The following MYH2 variants were observed in gnomAD, a reference collection of about 807,000 sequenced individuals.
The protein encoded by MYH2 is myosin-2.
In MYH2, 139 loss-of-function variants were observed where a neutral mutation model predicts 228.1. The ratio of observed to expected loss-of-function variants is 0.61; its 90% CI spans 0.53 to 0.70. The LOEUF (loss-of-function observed/expected upper bound fraction) is 0.70. Among genes scored for constraint, MYH2 ranks in the 30% least tolerant of loss-of-function variants. MYH2 has a pLI of 0.00. For missense variants in MYH2, 1,809 were observed against 2,357.5 expected (o/e 0.77, Z 4.82); for synonymous variants, 796 against 871.1 (o/e 0.91, Z 1.52).
Position 10,526,994 on chromosome 17 carries a change from G to C in MYH2, c.3934C>G (p.Gln1312Glu), listed in dbSNP as rs186654707. The C allele has an allele frequency of 2.5e-6, 4 of 1,614,172 alleles. No individual in the cohort carries two copies. Among genetic ancestry groups the C allele is most frequent in the African/African-American group, 1.3e-5 (1 of 75,046 alleles). ...ALVSQLSRGKQAFTQQIEELK... is the reference protein window; with the variant it reads ...ALVSQLSRGKEAFTQQIEELK... ...TCTTCAATCTGTTGAGTAAAGGCTT[G>C]TTTGCCTCTTGATAACTGAGACACC... Residue 1312 changes from glutamine (Q) to glutamate (E), a missense_variant, in exon 29 of 40, where the codon CAA becomes GAA. Physicochemically the swap from Gln to Glu is conservative, Grantham distance 29. Around this residue, in one of 9 missense-constraint regions of MYH2, gnomAD observed 636 missense variants for 729.9 expected, o/e 0.87. Coordinates refer to ENST00000245503, the MANE Select transcript of MYH2 (RefSeq NM_017534.6).
At chr17:10,522,531 T>G (rs2073296755) in intron 39 of MYH2, among the ~76,000 whole-genome samples, 1 of 152,058 alleles carries the variant, frequency 6.6e-6, no homozygotes, top group African/African-American at 2.4e-5. Context: ...TTTTTAACAG[T>G]ACTTCTTACT....
At position 10,531,917 on chromosome 17, in the gene MYH2, T is replaced by C. The variant is rs1361580844; in HGVS notation, c.2442-29A>G. On this transcript the variant is annotated intron_variant, in intron 21 of 39. Transcript: ENST00000245503. Reference sequence around the variant, plus strand: ...AAATTTAATTGATGCAAATTAGTATTGTGTGGTTGATGCAATGGGATGAAA... The same window carrying C: ...AAATTTAATTGATGCAAATTAGTATCGTGTGGTTGATGCAATGGGATGAAA... 2.5e-6 allele frequency: 4 copies of C among 1,613,420 alleles called. No homozygotes were observed. The South Asian group carries it at 3.3e-5, about 13-fold the overall frequency.
Position 10,524,461 on chromosome 17 carries a change from C to T in MYH2, c.5175+5G>A, listed in dbSNP as rs762715602. On this transcript the variant is annotated splice_donor_5th_base_variant and intron_variant, in intron 35 of 39. Transcript: ENST00000245503. The surrounding 1 kb of genome is among the most constrained non-coding windows in gnomAD (Gnocchi z 4.7). ...CTAAGGAGAGTTCTTTGTGCTGAAT[C>T]CCACCTGGGTGTGCAGTAGCTGAAC... 7 of 1,614,088 alleles carry T rather than the reference C, an allele frequency of 4.3e-6. No homozygotes were observed. Among genetic ancestry groups the T allele is most frequent in the South Asian group, 2.2e-5 (2 of 91,082 alleles).
chr17:10,531,913 G>A (rs1224682369), intron 21 of MYH2, 25 bp from the exon 22 acceptor site: 1 of 1,613,462 alleles, frequency 6.2e-7, no homozygotes, highest in East Asian at 2.2e-5. Flanking sequence ...ATGCAAATTA[G>A]TATTGTGTGG....
At position 10,524,530 on chromosome 17, in the gene MYH2, C is replaced by G. The variant is rs1567727282; in HGVS notation, c.5111G>C (p.Ser1704Thr). ...LRATLEQTER[S>T]RKIAEQELLD... The stretch of plus-strand genomic sequence containing the variant: ...GAGCTCCTGTTCTGCGATTTTTCTG[C>G]TCCTCTCTGTCTGTTCCAGAGTGGC... Residue 1704 changes from serine to threonine, a missense_variant, in exon 35 of 40, where the codon AGC (serine) becomes ACC (threonine). Coordinates refer to ENST00000245503, the MANE Select transcript of MYH2 (RefSeq NM_017534.6). This position sits in a 1 kb window ranked among gnomAD's most constrained non-coding sequence, Gnocchi z 4.7. 6.2e-7 allele frequency: 1 copy of G among 1,614,226 alleles called. No homozygotes were observed. Among genetic ancestry groups the G allele is most frequent in the Admixed American group, 1.7e-5 (1 of 60,024 alleles).
Position 10,527,063 on chromosome 17 carries a change from G to A in MYH2, c.3872-7C>T. ...AGCTGGCGTGAAAACTCACCTGATG[G>A]ACAAAAGAAATGGCACCATTTTTTA... On this transcript the variant is annotated splice_region_variant and splice_polypyrimidine_tract_variant and intron_variant, in intron 28 of 39. Transcript: ENST00000245503. The A allele has an allele frequency of 1.2e-6, 2 of 1,611,870 alleles. No individual in the cohort carries two copies. Among genetic ancestry groups the A allele is most frequent in the Non-Finnish European group, 1.7e-6 (2 of 1,177,990 alleles).
At chr17:10,539,703 T>A in intron 12 of MYH2, 141 bp from the exon 13 acceptor site, 1 of 1,184,512 alleles carries the variant, frequency 8.4e-7, no homozygotes, top group Non-Finnish European at 1.2e-6. Flanking sequence ...GTTCATTAAG[T>A]TCAAGTTTTT....
Position 10,539,538 on chromosome 17 carries a change from T to C in MYH2, c.1172A>G (p.Gln391Arg). 1 of 1,614,154 alleles carries C rather than the reference T, an allele frequency of 6.2e-7. No homozygotes were observed. Among genetic ancestry groups the C allele is most frequent in the Non-Finnish European group, 8.5e-7 (1 of 1,180,020 alleles). The change falls in exon 13 of 40, where the codon CAG (glutamine) becomes CGG (arginine). Residue 391 changes from glutamine to arginine, a missense_variant. By Grantham distance (43) the Gln-to-Arg change is conservative. Around this residue, in one of 9 missense-constraint regions of MYH2, gnomAD observed 373 missense variants for 620.4 expected, o/e 0.60. Coordinates refer to ENST00000245503, the MANE Select transcript of MYH2 (RefSeq NM_017534.6). ...TEVADKAAYL[Q>R]SLNSADLLKA... ...GAGCAGATCTGCAGAGTTCAGACTC[T>C]GGAGGTAGGCCGCCTTGTCAGCAAC...
chr17:10,543,276 A>C (rs553310527), intron 8 of MYH2, 115 bp from the exon 9 acceptor site: 2 of 806,546 alleles, frequency 2.5e-6, no homozygotes, highest in Admixed American at 2.6e-5. Flanking sequence ...GAGTATTTGC[A>C]TCAGGTAGAA....
At position 10,542,876 on chromosome 17, in the gene MYH2, A is replaced by G; in HGVS notation, c.903T>C (p.Ile301=). Residue 301 remains isoleucine, a splice_region_variant and synonymous_variant, in exon 10 of 40, where the codon ATT becomes ATC. Coordinates refer to ENST00000245503, the MANE Select transcript of MYH2 (RefSeq NM_017534.6). The part of the protein sequence containing the change: ...QITSNKKPEL[I]EMLLITTNPY... ...GAAAAGAATTATGACATTTCTTACC[A>G]ATAAGTTCTGGTTTCTTATTCGATG... 3 of 1,585,488 alleles carry G rather than the reference A, an allele frequency of 1.9e-6. No individual in the cohort carries two copies. The highest frequency in any genetic ancestry group is 1.3e-5 in the African/African-American group (1 of 74,464).
rs374726398 is a variant in MYH2, at chr17:10,537,760, C to T, written c.1492G>A (p.Val498Met). The T allele has an allele frequency of 2.1e-5, 34 of 1,614,048 alleles. No individual in the cohort carries two copies. The highest frequency in any genetic ancestry group is 5.5e-5 in the South Asian group (5 of 91,086). Reference sequence around the variant, plus strand: ...TTCTTGTACTCCTCCTGCTCCAGCACGAACATGTGGTGGTTGAAAAACTGT... The same window carrying T: ...TTCTTGTACTCCTCCTGCTCCAGCATGAACATGTGGTGGTTGAAAAACTGT... The part of the protein sequence containing the change: ...LQQFFNHHMF[V>M]LEQEEYKKEG... The change falls in exon 15 of 40, where the codon GTG becomes ATG. Residue 498 changes from valine to methionine, a missense_variant. By Grantham distance (21) the Val-to-Met change is conservative (BLOSUM62 1). Coordinates refer to ENST00000245503, the MANE Select transcript of MYH2 (RefSeq NM_017534.6). The surrounding 1 kb of genome is among the most constrained non-coding windows in gnomAD (Gnocchi z 4.0).
intron 10 of MYH2, among the ~76,000 whole-genome samples, chr17:10,542,170 G>A (rs1451208696): frequency 2.6e-5 from 4 of 152,214 alleles, no homozygotes; most frequent in African/African-American, 9.7e-5. Flanking sequence ...CTACTTGGGA[G>A]GCTGGGGCAG....
chr17:10,528,686 G>C lies in MYH2; in HGVS notation c.3744+4C>G. 6.2e-7 allele frequency: 1 copy of C among 1,613,976 alleles called. No homozygotes were observed. The highest frequency in any genetic ancestry group is 8.5e-7 in the Non-Finnish European group (1 of 1,179,894). Reference sequence around the variant, plus strand: ...CAATAACAATTTCCCAGAATTTGTAGTACCTTGGCTTTGGAGACCGTTTCT... The same window carrying C: ...CAATAACAATTTCCCAGAATTTGTACTACCTTGGCTTTGGAGACCGTTTCT... On this transcript the variant is annotated splice_donor_region_variant and intron_variant, in intron 27 of 39. Transcript: ENST00000245503.
chr17:10,536,041 T>C (rs1190180107), intron 17 of MYH2, among the ~76,000 whole-genome samples: 3 of 152,220 alleles, frequency 2.0e-5, no homozygotes, highest in Admixed American at 2.0e-4. Context: ...TTCTATAAAA[T>C]ATTTCTCATT....
rs776836063 is a variant in MYH2, at chr17:10,545,467, G to A, written c.384C>T (p.Pro128=). The change falls in exon 5 of 40, where the codon CCC becomes CCT. Residue 128 remains proline (P), a synonymous_variant. Coordinates refer to ENST00000245503, the MANE Select transcript of MYH2 (RefSeq NM_017534.6). ...YSGLFCVTVN[P]YKWLPVYKPE... ...GCTTATACACAGGCAGCCACTTGTA[G>A]GGGTTGACAGTGACACAGAAGAGAC... is the stretch of plus-strand genomic sequence containing the variant. 6.8e-6 allele frequency: 11 copies of A among 1,614,212 alleles called. No homozygotes were observed. In the South Asian group the frequency reaches 9.9e-5, roughly 14 times the overall value.
At chr17:10,545,215 T>C in intron 5 of MYH2, 131 bp downstream of exon 5, 1 of 1,551,210 alleles carries the variant, frequency 6.4e-7, no homozygotes, top group Non-Finnish European at 8.9e-7. Context: ...CTGGACCTTC[T>C]CCTTCATAAA....
Position 10,547,930 on chromosome 17 carries a change from A to G in MYH2, c.-10T>C, listed in dbSNP as rs886052574. 1 of 1,613,974 alleles carries G rather than the reference A, an allele frequency of 6.2e-7. No individual in the cohort carries two copies. Among genetic ancestry groups the G allele is most frequent in the South Asian group, 1.1e-5 (1 of 91,068 alleles). On this transcript the variant is annotated 5_prime_UTR_variant, in exon 3 of 40. Transcript: ENST00000245503. ...CTGAGTCTGAACTCATGGCTGCTGA[A>G]CTCAGAGGTCCTAAAGGAGATAAAA...
At position 10,536,531 on chromosome 17, in the gene MYH2, C is replaced by A; in HGVS notation, c.1973G>T (p.Arg658Ile). The change falls in exon 17 of 40, where the codon AGA becomes ATA. Residue 658 changes from arginine (R) to isoleucine (I), a missense_variant and splice_region_variant. Physicochemically the swap from Arg to Ile is moderately conservative, Grantham distance 97 (BLOSUM62 -3). Coordinates refer to ENST00000245503, the MANE Select transcript of MYH2 (RefSeq NM_017534.6). Reference sequence around the variant, plus strand: ...TGTCAAAAACAATTTCTTCCTTACTCTGAAAAGGGCAGACACTGTCTGGAA... The same window carrying A: ...TGTCAAAAACAATTTCTTCCTTACTATGAAAAGGGCAGACACTGTCTGGAA... ...SSFQTVSALF[R>I]ENLNKLMTNL... is the part of the protein sequence containing the mutation. The A allele has an allele frequency of 6.2e-7, 1 of 1,613,424 alleles. No individual in the cohort carries two copies. Among genetic ancestry groups the A allele is most frequent in the Non-Finnish European group, 8.5e-7 (1 of 1,179,580 alleles).
chr17:10,535,350 GCTTGTTCAAATT>G lies in MYH2; in HGVS notation c.1978_1989del (p.Asn660_Lys663del). The stretch of plus-strand genomic sequence containing the variant: ...TGGGTACTCCTGAGGTTGGTCATCA[GCTTGTTCAAATT>G]CTCCTGTAAAACCAGGAAAAATCCT... On this transcript the variant is annotated inframe_deletion, in exon 18 of 40. Transcript: ENST00000245503. The G allele has an allele frequency of 6.2e-7, 1 of 1,614,082 alleles. No individual in the cohort carries two copies. The highest frequency in any genetic ancestry group is 8.5e-7 in the Non-Finnish European group (1 of 1,179,968).
Sources: gnomAD v4.1 joint callset for allele counts (sites outside exome capture counted in the v4.1 genomes callset) on GRCh38, gnomAD v4.1.1 for gene constraint, gnomAD v4.1.1 regional missense constraint, Gnocchi (gnomAD v3.1) non-coding constraint, MANE v1.5 for transcripts, NCBI Gene and HGNC (gene_info 2026-07-23, HGNC 2026-07-21) for gene names.